Variants in MACROD2 observed in about 807,000 individuals in gnomAD.
The protein encoded by MACROD2 is mono-ADP ribosylhydrolase 2, also known as ADP-ribose glycohydrolase MACROD2.
MACROD2 carries 36 observed loss-of-function variants against 70.4 expected under a neutral mutation model. The observed-to-expected ratio is 0.51, with a 90% confidence interval of 0.39 to 0.68. The LOEUF (loss-of-function observed/expected upper bound fraction) is 0.68. Ranked by LOEUF, MACROD2 falls within the 30% of genes least tolerant of loss-of-function variation. MACROD2 has a pLI of 0.00. For synonymous variants in MACROD2, 172 were observed against 178.8 expected (o/e 0.96, Z 0.30); for missense variants, 496 against 538.4 (o/e 0.92, Z 0.78).
At chr20:14,960,375 G>T (rs933908580) in intron 5 of MACROD2, among the ~76,000 whole-genome samples, 1 of 152,168 alleles carries the variant, frequency 6.6e-6, no homozygotes, top group African/African-American at 2.4e-5. Context: ...CATCCTGTGT[G>T]CAGACTTCCC....
intron 10 of MACROD2, among the ~76,000 whole-genome samples, chr20:15,903,971 A>G (rs1373643173): frequency 6.6e-6 from 1 of 152,180 alleles, no homozygotes; most frequent in African/African-American, 2.4e-5. Flanking sequence ...GAAAGAGAGG[A>G]GGCATAGATG....
At chr20:14,072,731 G>A (rs995248605) in intron 2 of MACROD2, among the ~76,000 whole-genome samples, 2 of 152,174 alleles carry the variant, frequency 1.3e-5, no homozygotes, top group East Asian at 1.9e-4. Context: ...TCAGGAGATC[G>A]AGACCATCCT....
intron 5 of MACROD2, among the ~76,000 whole-genome samples, chr20:15,092,437 A>C (rs2075799484): frequency 6.7e-6 from 1 of 148,638 alleles, no homozygotes; most frequent in African/African-American, 2.4e-5. Context: ...TAAAATTTAT[A>C]TATTTATAAC....
chr20:15,778,514 C>T (rs2051770845), intron 8 of MACROD2, among the ~76,000 whole-genome samples: 1 of 152,070 alleles, frequency 6.6e-6, no homozygotes, highest in Non-Finnish European at 1.5e-5. Flanking sequence ...AAGTTGACAT[C>T]AGGGCAATTT....
chr20:14,138,700 T>C (rs1344989235), intron 3 of MACROD2, among the ~76,000 whole-genome samples: 1 of 152,002 alleles, frequency 6.6e-6, no homozygotes, highest in African/African-American at 2.4e-5. Flanking sequence ...TAATGTATTG[T>C]ATGGTGACTG....
intron 6 of MACROD2, among the ~76,000 whole-genome samples, chr20:15,341,371 G>A (rs925932550): frequency 2.3e-4 from 35 of 151,932 alleles, no homozygotes; most frequent in Non-Finnish European, 4.7e-4. Context: ...TAATATTATA[G>A]TATCTTATGA....
chr20:15,406,853 G>A (rs2146317653), intron 6 of MACROD2, among the ~76,000 whole-genome samples: 1 of 152,296 alleles, frequency 6.6e-6, no homozygotes, highest in Middle Eastern at 3.4e-3. Context: ...TATAAATCAT[G>A]CGACGTGTCG....
At chr20:15,467,418 A>G (rs2046908213) in intron 7 of MACROD2, among the ~76,000 whole-genome samples, 1 of 152,220 alleles carries the variant, frequency 6.6e-6, no homozygotes, top group Non-Finnish European at 1.5e-5. Flanking sequence ...GAAGAGCCAA[A>G]CTAAGACAGG....
At chr20:15,981,971 A>G (rs1209257041) in intron 13 of MACROD2, among the ~76,000 whole-genome samples, 1 of 151,480 alleles carries the variant, frequency 6.6e-6, no homozygotes, top group East Asian at 1.9e-4. Context: ...CTTGACAGAC[A>G]TACTTTTTTT....
intron 3 of MACROD2, among the ~76,000 whole-genome samples, chr20:14,427,888 A>G (rs763592901): frequency 6.9e-6 from 1 of 145,326 alleles, no homozygotes; most frequent in African/African-American, 2.9e-5. Flanking sequence ...ATGCTGTATA[A>G]TGTTCTCTTT....
In MACROD2 at chr20:15,311,965, T is replaced by TA. The variant is rs1160224450; in HGVS notation, c.540+81913dup. ...TGAAAACAAAACCAAAGTGAAATTTTAAAAAAAAATTGTTTTGGAAAGTAA... is the reference window on the plus strand; with the variant it reads ...TGAAAACAAAACCAAAGTGAAATTTTAAAAAAAAAATTGTTTTGGAAAGTAA... On this transcript the variant is annotated intron_variant, in intron 6 of 17. Transcript: ENST00000684519. Among the ~76,000 whole-genome samples, 48 of 151,536 alleles carry TA rather than the reference T, an allele frequency of 3.2e-4. No homozygotes were observed. In the South Asian group the frequency reaches 6.7e-3, roughly 21 times the overall value.
At chr20:15,987,589 G>C (rs145968053) in intron 15 of MACROD2, among the ~76,000 whole-genome samples, 10 of 152,036 alleles carry the variant, frequency 6.6e-5, no homozygotes, top group African/African-American at 2.4e-4. Context: ...AAATATGCAT[G>C]TTATATGAAC....
At chr20:14,941,433 G>A (rs1039171026) in intron 5 of MACROD2, among the ~76,000 whole-genome samples, 14 of 152,078 alleles carry the variant, frequency 9.2e-5, no homozygotes, top group Non-Finnish European at 1.8e-4. Context: ...ATATGGTAAG[G>A]AAGTTGGTTG....
intron 15 of MACROD2, among the ~76,000 whole-genome samples, chr20:15,995,592 T>G (rs1459546616): frequency 6.8e-6 from 1 of 146,484 alleles, no homozygotes; most frequent in African/African-American, 2.5e-5. Flanking sequence ...CCTCATGATC[T>G]GCCTGCCTCG....
At position 15,214,013 on chromosome 20, in the gene MACROD2, G is replaced by A. The variant is rs572483269; in HGVS notation, c.419-15927G>A. 5.3e-5 allele frequency among the ~76,000 whole-genome samples: 8 copies of A among 151,882 alleles called. No homozygotes were observed. In the East Asian group the frequency reaches 9.7e-4, roughly 18 times the overall value. Reference sequence around the variant, plus strand: ...TTCTGCCTTGTCCTCCCAAAGTTCCGGGATTACAGGTGTGAGCCATGGCTC... The same window carrying A: ...TTCTGCCTTGTCCTCCCAAAGTTCCAGGATTACAGGTGTGAGCCATGGCTC... On this transcript the variant is annotated intron_variant, in intron 5 of 17. Transcript: ENST00000684519.
At chr20:15,350,866 A>T (rs2078220064) in intron 6 of MACROD2, among the ~76,000 whole-genome samples, 1 of 152,148 alleles carries the variant, frequency 6.6e-6, no homozygotes. Context: ...GAACTAATTA[A>T]CTGGTAACTT....
chr20:14,973,676 G>A lies in MACROD2; in HGVS notation c.419-256264G>A, dbSNP rs74620483. The stretch of plus-strand genomic sequence containing the variant: ...TTTGGGAACAGTGTGAACTAACTCA[G>A]TCTTCACTTACTATGAAGGAAGGAC... On this transcript the variant is annotated intron_variant, in intron 5 of 17. Coordinates refer to ENST00000684519, the MANE Select transcript of MACROD2 (RefSeq NM_001351661.2). Among the ~76,000 whole-genome samples, 3 of 152,258 alleles carry A rather than the reference G, an allele frequency of 2.0e-5. No homozygotes were observed. In the East Asian group the frequency reaches 5.8e-4, roughly 29 times the overall value.
At chr20:14,830,926 A>T (rs943462048) in intron 5 of MACROD2, among the ~76,000 whole-genome samples, 48 of 152,264 alleles carry the variant, frequency 3.2e-4, no homozygotes, top group Non-Finnish European at 6.0e-4. Flanking sequence ...AAATATATTT[A>T]AAAAAATAAT....
intron 8 of MACROD2, among the ~76,000 whole-genome samples, chr20:15,505,029 C>T (rs918592444): frequency 2.0e-5 from 3 of 152,306 alleles, no homozygotes; most frequent in East Asian, 3.9e-4. Flanking sequence ...AATGTTTTTA[C>T]AGTGCCTGTT....
Sources: allele counts gnomAD v4.1 joint callset (sites outside exome capture counted in the v4.1 genomes callset), GRCh38; gene constraint gnomAD v4.1.1; transcripts MANE v1.5; gene names NCBI Gene and HGNC (gene_info 2026-07-23, HGNC 2026-07-21).